The following ITSN2 variants were observed in gnomAD, a reference collection of about 807,000 sequenced individuals.
ITSN2 encodes the protein intersectin 2.
ITSN2 carries 156 observed loss-of-function variants against 243.7 expected under a neutral mutation model. The ratio of observed to expected loss-of-function variants is 0.64; its 90% CI spans 0.56 to 0.73. The LOEUF (loss-of-function observed/expected upper bound fraction) is 0.73. Among genes scored for constraint, ITSN2 ranks in the 30% least tolerant of loss-of-function variants. The pLI, the probability that ITSN2 is intolerant of heterozygous loss-of-function variation, is 0.00. For missense variants in ITSN2, 1,801 were observed against 1,996.1 expected, an observed-to-expected ratio of 0.90 and a Z score of 1.86; for synonymous variants, 703 against 699.9, an observed-to-expected ratio of 1.00 and a Z score of -0.07.
At chr2:24,332,172 G>C (rs1408524838) in intron 1 of ITSN2, among the ~76,000 whole-genome samples, 2 of 152,204 alleles carry the variant, frequency 1.3e-5, no homozygotes, top group South Asian at 4.1e-4. Flanking sequence ...AACCCAGGAG[G>C]TGGAGGTTGC....
chr2:24,351,996 T>A (rs1232483359), intron 1 of ITSN2, among the ~76,000 whole-genome samples: 2 of 152,240 alleles, frequency 1.3e-5, no homozygotes, highest in African/African-American at 2.4e-5. Flanking sequence ...ACAAGTCTTA[T>A]ATCTGTGAAA....
chr2:24,222,444 C>T (rs1173186243), intron 29 of ITSN2, among the ~76,000 whole-genome samples: 2 of 151,896 alleles, frequency 1.3e-5, no homozygotes, highest in Non-Finnish European at 2.9e-5. Flanking sequence ...CCATGGTGAC[C>T]TGACACAAAA....
chr2:24,208,444 A>T (rs993047171), intron 36 of ITSN2, 125 bp from the exon 37 acceptor site: 18 of 714,312 alleles, frequency 2.5e-5, no homozygotes, highest in Non-Finnish European at 4.4e-5. Context: ...TTCCTATCAA[A>T]GACCTGATAT....
chr2:24,263,807 T>C (rs994806524), intron 20 of ITSN2, among the ~76,000 whole-genome samples: 3 of 152,222 alleles, frequency 2.0e-5, no homozygotes, highest in African/African-American at 4.8e-5. Context: ...CTTTCAAATG[T>C]TGGTAGACAT....
intron 37 of ITSN2, among the ~76,000 whole-genome samples, chr2:24,207,345 G>T (rs1206963642): frequency 6.6e-6 from 1 of 152,094 alleles, no homozygotes; most frequent in Non-Finnish European, 1.5e-5. Context: ...AGGGGCCTGG[G>T]TGGCCAGGGA....
intron 16 of ITSN2, among the ~76,000 whole-genome samples, chr2:24,285,109 C>T (rs1679318774): frequency 6.6e-6 from 1 of 151,948 alleles, no homozygotes; most frequent in South Asian, 2.1e-4. Flanking sequence ...GTTGCCCAGG[C>T]TGGTCTCGAT....
intron 29 of ITSN2, among the ~76,000 whole-genome samples, chr2:24,227,817 G>A (rs1395121600): frequency 6.6e-6 from 1 of 152,156 alleles, no homozygotes; most frequent in Non-Finnish European, 1.5e-5. Flanking sequence ...TACTCAGGAG[G>A]CTGAGGCAGG....
intron 29 of ITSN2, among the ~76,000 whole-genome samples, chr2:24,222,950 A>G (rs1670627000): frequency 6.6e-6 from 1 of 152,178 alleles, no homozygotes; most frequent in African/African-American, 2.4e-5. Flanking sequence ...TGCTGGGATT[A>G]CAGGCATGAG....
chr2:24,329,115 C>T (rs1169127176), intron 1 of ITSN2, among the ~76,000 whole-genome samples: 4 of 152,204 alleles, frequency 2.6e-5, no homozygotes, highest in African/African-American at 9.7e-5. Flanking sequence ...CTGCCTGCCA[C>T]ATAGGGTGTT....
At chr2:24,248,468 CAA>C (rs1453948074) in intron 27 of ITSN2, among the ~76,000 whole-genome samples, 159 bp downstream of exon 27, 1 of 152,106 alleles carries the variant, frequency 6.6e-6, no homozygotes, top group Non-Finnish European at 1.5e-5. Context: ...AATGTACACA[CAA>C]GAGACTAAAG....
chr2:24,265,207 T>G (rs1676522485), intron 20 of ITSN2, among the ~76,000 whole-genome samples: 2 of 152,244 alleles, frequency 1.3e-5, no homozygotes, highest in South Asian at 4.1e-4. Flanking sequence ...AGAACTGACT[T>G]CTTATCAATA....
At chr2:24,285,352 C>T (rs180784459) in intron 16 of ITSN2, among the ~76,000 whole-genome samples, 1 of 152,264 alleles carries the variant, frequency 6.6e-6, no homozygotes, top group East Asian at 1.9e-4. Flanking sequence ...ATTCCCTTTC[C>T]TTACCTGAAG....
At position 24,308,964 on chromosome 2, in the gene ITSN2, G is replaced by A. The variant is rs932367486; in HGVS notation, c.654-208C>T. The stretch of plus-strand genomic sequence containing the variant: ...CTGAGCTCCAGCTCCTGTCCAGTGA[G>A]CAGTGGCATTAGATTCTCATAAGAG... On this transcript the variant is annotated intron_variant, in intron 7 of 39. Coordinates refer to ENST00000355123, the MANE Select transcript of ITSN2 (RefSeq NM_006277.3). 7 of 555,262 alleles carry A rather than the reference G, an allele frequency of 1.3e-5. No individual in the cohort carries two copies. The East Asian group carries it at 1.4e-4, about 11-fold the overall frequency. 34.4% of individuals were successfully genotyped at this position (555,262 alleles called of 1,614,324 possible).
rs112645431 is a variant in ITSN2 at position 24,355,898 on chromosome 2, C to A, written c.-34+4406G>T. 1.1e-4 allele frequency among the ~76,000 whole-genome samples: 17 copies of A among 152,006 alleles called. 1 individual carries two copies. The highest frequency in any genetic ancestry group is 4.1e-4 in the African/African-American group (17 of 41,474). On this transcript the variant is annotated intron_variant, in intron 1 of 39. Transcript: ENST00000355123. ...TGGCCTGCATGGTGAAACCCTGTCT[C>A]TATTTTTAAAAAATTACAAAAAGGC...
At chr2:24,215,968 G>T in intron 32 of ITSN2, 81 bp downstream of exon 32, 1 of 1,044,226 alleles carries the variant, frequency 9.6e-7, no homozygotes, top group Non-Finnish European at 1.3e-6. Flanking sequence ...CTCCATTGCT[G>T]GGATTCCCTG....
intron 29 of ITSN2, among the ~76,000 whole-genome samples, chr2:24,226,410 T>TA (rs1188002450): frequency 6.6e-6 from 1 of 152,216 alleles, no homozygotes; most frequent in Non-Finnish European, 1.5e-5. Flanking sequence ...GTGACATGAT[T>TA]AAAAAGTTTT....
chr2:24,285,950 T>C (rs949137610), intron 16 of ITSN2, among the ~76,000 whole-genome samples: 2 of 152,214 alleles, frequency 1.3e-5, no homozygotes, highest in African/African-American at 2.4e-5. Flanking sequence ...GCAATTGTTC[T>C]GGAAATGTAT....
At chr2:24,359,159 G>A (rs1321154970) in intron 1 of ITSN2, among the ~76,000 whole-genome samples, 1 of 152,142 alleles carries the variant, frequency 6.6e-6, no homozygotes, top group Non-Finnish European at 1.5e-5. Flanking sequence ...TTATTAATTC[G>A]CGTAAATGTT....
chr2:24,318,680 T>C (rs1684208922), intron 2 of ITSN2, among the ~76,000 whole-genome samples: 1 of 152,154 alleles, frequency 6.6e-6, no homozygotes, highest in African/African-American at 2.4e-5. Flanking sequence ...AATTCAGGAT[T>C]CTACTCTGAC....
Sources: allele counts gnomAD v4.1 joint callset (sites outside exome capture counted in the v4.1 genomes callset), GRCh38; gene constraint gnomAD v4.1.1; transcripts MANE v1.5; gene names NCBI Gene and HGNC (gene_info 2026-07-23, HGNC 2026-07-21).